CLIP4: variants seen among roughly 807,000 people sequenced by gnomAD.
CLIP4 encodes the protein CAP-Gly domain containing linker protein family member 4.
CLIP4 carries 47 observed loss-of-function variants against 73.1 expected under a neutral mutation model. The ratio of observed to expected loss-of-function variants is 0.64; its 90% confidence interval spans 0.51 to 0.82. CLIP4 has a LOEUF of 0.82. CLIP4 is among the 40% of genes least tolerant of loss of function. The probability of loss-of-function intolerance (pLI) is 0.00; values close to 1 mark genes in which losing one functional copy is unlikely to be tolerated. For missense variants in CLIP4, 874 were observed against 852.9 expected (o/e 1.02, Z -0.31); for synonymous variants, 306 against 295.4 (o/e 1.04, Z -0.37).
Position 29,181,926 on chromosome 2 carries a change from A to G in CLIP4, c.*33A>G. The G allele has an allele frequency of 6.6e-7, 1 of 1,515,554 alleles. No individual in the cohort carries two copies. The highest frequency in any genetic ancestry group is 8.9e-7 in the Non-Finnish European group (1 of 1,121,656). 93.9% of individuals were successfully genotyped at this position (1,515,554 alleles called of 1,614,324 possible). A position where few individuals can be genotyped will look rare whatever the true frequency, so the allele number is the denominator to read the frequency against. On this transcript the variant is annotated 3_prime_UTR_variant, in exon 16 of 16. Transcript: ENST00000320081. Reference sequence around the variant, plus strand: ...AAATATTAAATAAGCTCAAATATATATATTTGGTGTAAATAAAGAGTCCAT... The same window carrying G: ...AAATATTAAATAAGCTCAAATATATGTATTTGGTGTAAATAAAGAGTCCAT...
rs1665300488 is a variant in CLIP4 at position 29,135,666 on chromosome 2, G to T, written c.648G>T (p.Arg216Ser). ...LLEQGANPAF[R>S]NDKGQIPADV... ...AGCAGGGAGCAAATCCTGCATTTAG[G>T]GTAAGAGGTTAAATTAAAAGTGAAA... The change falls in exon 6 of 16, where the codon AGG (arginine) becomes AGT (serine). Residue 216 changes from arginine (R) to serine (S), a missense_variant and splice_region_variant. Transcript: ENST00000320081. 1 of 1,578,414 alleles carries T rather than the reference G, an allele frequency of 6.3e-7. No individual in the cohort carries two copies. The highest frequency in any genetic ancestry group is 1.4e-5 in the African/African-American group (1 of 73,406).
At chr2:29,128,074 T>C (rs1476885288) in intron 2 of CLIP4, among the ~76,000 whole-genome samples, 1 of 152,026 alleles carries the variant, frequency 6.6e-6, no homozygotes, top group African/African-American at 2.4e-5. Context: ...TCTCATGCAG[T>C]GTAATAGATC....
intron 7 of CLIP4, 75 bp from the exon 8 acceptor site, chr2:29,145,157 A>G (rs1666067025): frequency 7.7e-7 from 1 of 1,303,866 alleles, no homozygotes; most frequent in Non-Finnish European, 1.1e-6. Flanking sequence ...CCCATGGTGA[A>G]GTAAAGTTGC....
At chr2:29,118,833 T>C (rs1664057767) in intron 1 of CLIP4, among the ~76,000 whole-genome samples, 2 of 152,048 alleles carry the variant, frequency 1.3e-5, no homozygotes, top group Admixed American at 1.3e-4. Flanking sequence ...CCAATATATA[T>C]ATATATATTT....
chr2:29,101,226 G>T (rs923691401), intron 1 of CLIP4, among the ~76,000 whole-genome samples: 9 of 149,826 alleles, frequency 6.0e-5, no homozygotes, highest in Admixed American at 2.0e-4. Context: ...GGAGGCAGAG[G>T]TTGCAGTGAG....
intron 5 of CLIP4, among the ~76,000 whole-genome samples, chr2:29,135,111 T>G (rs1665255957): frequency 6.6e-6 from 1 of 152,138 alleles, no homozygotes; most frequent in Admixed American, 6.6e-5. Flanking sequence ...TGTGTTCTAA[T>G]AAAACTTTAT....
At position 29,151,196 on chromosome 2, in the gene CLIP4, T is replaced by G. The variant is rs562209678; in HGVS notation, c.1022-1489T>G. Among the ~76,000 whole-genome samples the G allele has an allele frequency of 4.6e-5, 7 of 152,324 alleles. No individual in the cohort carries two copies. The East Asian group carries it at 1.4e-3, about 29-fold the overall frequency. On this transcript the variant is annotated intron_variant, in intron 8 of 15. Coordinates refer to ENST00000320081, the MANE Select transcript of CLIP4 (RefSeq NM_024692.6). ...TGTCACCTCTTGAAATGTATTTTTTTCTTTTAGTATACAGATGAAACCTTG... is the reference window on the plus strand; with the variant it reads ...TGTCACCTCTTGAAATGTATTTTTTGCTTTTAGTATACAGATGAAACCTTG...
At chr2:29,143,131 G>A (rs1338280390) in intron 6 of CLIP4, among the ~76,000 whole-genome samples, 3 of 152,242 alleles carry the variant, frequency 2.0e-5, no homozygotes, top group African/African-American at 7.2e-5. Flanking sequence ...CCATGGATCT[G>A]GGGCTGGGAA....
chr2:29,126,599 TAAG>T (rs981542499), intron 2 of CLIP4, among the ~76,000 whole-genome samples: 6 of 152,218 alleles, frequency 3.9e-5, no homozygotes, highest in Non-Finnish European at 7.3e-5. Flanking sequence ...GGCAGGGCAT[TAAG>T]AAGATTTCCA....
intron 6 of CLIP4, among the ~76,000 whole-genome samples, chr2:29,136,277 C>T (rs907910462): frequency 4.6e-5 from 7 of 151,362 alleles, no homozygotes; most frequent in African/African-American, 1.5e-4. Flanking sequence ...TCGTGTTATA[C>T]TTTCCCTTGA....
chr2:29,157,603 C>T (rs774586617), intron 11 of CLIP4, among the ~76,000 whole-genome samples: 1 of 152,140 alleles, frequency 6.6e-6, no homozygotes, highest in Non-Finnish European at 1.5e-5. Flanking sequence ...AGCTTCTTCA[C>T]AGGCCTTTGT....
chr2:29,139,319 G>C (rs570269464), intron 6 of CLIP4, among the ~76,000 whole-genome samples: 1 of 151,884 alleles, frequency 6.6e-6, no homozygotes, highest in African/African-American at 2.4e-5. Context: ...ACTTGCATAC[G>C]TTGAACCTCC....
chr2:29,175,942 T>A (rs1410564950), intron 15 of CLIP4, among the ~76,000 whole-genome samples: 1 of 152,070 alleles, frequency 6.6e-6, no homozygotes, highest in African/African-American at 2.4e-5. Context: ...TTTGTATTTT[T>A]AGTAGAGACG....
chr2:29,098,175 TAAAAG>T (rs1040234356), intron 1 of CLIP4, among the ~76,000 whole-genome samples: 2 of 152,228 alleles, frequency 1.3e-5, no homozygotes, highest in African/African-American at 4.8e-5. Flanking sequence ...ACTCCAAACT[TAAAAG>T]GAGTATTAAA....
At chr2:29,141,288 AT>A (rs1489393572) in intron 6 of CLIP4, among the ~76,000 whole-genome samples, 1 of 152,160 alleles carries the variant, frequency 6.6e-6, no homozygotes, top group Non-Finnish European at 1.5e-5. Flanking sequence ...TGAGAATAGC[AT>A]TTATATTCTG....
intron 14 of CLIP4, among the ~76,000 whole-genome samples, chr2:29,170,750 A>T (rs1667950517): frequency 6.6e-6 from 1 of 151,602 alleles, no homozygotes. Context: ...AAGATCTATG[A>T]TCCATTTTGA....
intron 1 of CLIP4, among the ~76,000 whole-genome samples, chr2:29,117,626 C>T (rs1375238399): frequency 1.3e-5 from 2 of 152,222 alleles, no homozygotes; most frequent in East Asian, 3.8e-4. Flanking sequence ...GCCACTGCAC[C>T]TGGCCAATTT....
intron 2 of CLIP4, among the ~76,000 whole-genome samples, chr2:29,127,846 A>ATCT (rs1664709833): frequency 6.6e-6 from 1 of 152,188 alleles, no homozygotes; most frequent in African/African-American, 2.4e-5. Context: ...AAATGTCCAT[A>ATCT]GTTACAGATT....
At chr2:29,178,595 G>A (rs1668476395) in intron 15 of CLIP4, among the ~76,000 whole-genome samples, 1 of 152,110 alleles carries the variant, frequency 6.6e-6, no homozygotes. Context: ...TTCCTTCAGC[G>A]TGACTTTTGC....
Sources: gnomAD v4.1 joint callset for allele counts (sites outside exome capture counted in the v4.1 genomes callset) on GRCh38, gnomAD v4.1.1 for gene constraint, MANE v1.5 for transcripts, NCBI Gene and HGNC (gene_info 2026-07-23, HGNC 2026-07-21) for gene names.